ATP9B: variants seen among roughly 807,000 people sequenced by gnomAD.
ATP9B encodes the protein probable phospholipid-transporting ATPase IIB.
In ATP9B, 110 loss-of-function variants were observed where a neutral mutation model predicts 146.1. The observed-to-expected ratio is 0.75, with a 90% CI of 0.65 to 0.88. The LOEUF is 0.88. Ranked by LOEUF, ATP9B falls within the 40% of genes least tolerant of loss-of-function variation. The pLI, the probability that ATP9B is intolerant of heterozygous loss-of-function variation, is 0.00. For missense variants in ATP9B, 1,499 were observed against 1,496.4 expected (o/e 1.00, Z -0.03); for synonymous variants, 604 against 569.7 (o/e 1.06, Z -0.86).
intron 11 of ATP9B, among the ~76,000 whole-genome samples, chr18:79,216,226 A>G (rs1376093687): frequency 1.3e-5 from 2 of 151,704 alleles, no homozygotes; most frequent in African/African-American, 4.9e-5. Flanking sequence ...CCATCTATAC[A>G]CCTGTTACTT....
intron 9 of ATP9B, among the ~76,000 whole-genome samples, chr18:79,196,891 A>G (rs566418889): frequency 2.3e-4 from 35 of 152,342 alleles, no homozygotes; most frequent in African/African-American, 8.2e-4. Flanking sequence ...AGTCCGTCAT[A>G]GGAAACTTTA....
At chr18:79,212,021 C>T (rs745557886) in intron 10 of ATP9B, among the ~76,000 whole-genome samples, 9 of 152,198 alleles carry the variant, frequency 5.9e-5, no homozygotes, top group Non-Finnish European at 8.8e-5. Flanking sequence ...TTGTTGCCCT[C>T]TCATGTCTCA....
intron 11 of ATP9B, among the ~76,000 whole-genome samples, chr18:79,241,045 C>T (rs1180222815): frequency 3.3e-5 from 5 of 152,052 alleles, no homozygotes; most frequent in African/African-American, 7.2e-5. Flanking sequence ...TTGTAAAGGG[C>T]TATTGGGTTG....
At chr18:79,360,359 G>T (rs1243483471) in intron 26 of ATP9B, 2 of 151,998 alleles carry the variant, frequency 1.3e-5, no homozygotes, top group Non-Finnish European at 2.9e-5. Flanking sequence ...GGTAAAGAAA[G>T]AATTAGATTA....
intron 9 of ATP9B, among the ~76,000 whole-genome samples, chr18:79,199,172 C>T (rs183520423): frequency 2.6e-5 from 4 of 151,948 alleles, no homozygotes; most frequent in African/African-American, 4.8e-5. Context: ...AGGCTGGTCT[C>T]GAACTCCTGA....
chr18:79,269,938 A>G (rs1599442223), intron 12 of ATP9B, among the ~76,000 whole-genome samples: 1 of 152,200 alleles, frequency 6.6e-6, no homozygotes, highest in Non-Finnish European at 1.5e-5. Flanking sequence ...TGGATAGAAA[A>G]CTAAGCTTTT....
At position 79,253,011 on chromosome 18, in the gene ATP9B, C is replaced by T. The variant is rs570870158; in HGVS notation, c.1108-370C>T. Among the ~76,000 whole-genome samples, 30 of 152,300 alleles carry T rather than the reference C, an allele frequency of 2.0e-4. No homozygotes were observed. In the South Asian group the frequency reaches 2.9e-3, roughly 15 times the overall value. ...CTGCGCCCTCAGAAGTCTCTGTTCC[C>T]GGGCTGGGCCCTCAGAACTCTGTGT... On this transcript the variant is annotated intron_variant, in intron 11 of 29. Coordinates refer to ENST00000426216, the MANE Select transcript of ATP9B (RefSeq NM_198531.5).
intron 7 of ATP9B, among the ~76,000 whole-genome samples, chr18:79,170,065 A>T (rs2095046023): frequency 6.6e-6 from 1 of 152,164 alleles, no homozygotes. Context: ...TTGCAAGCTG[A>T]CTGAGCTCAG....
intron 15 of ATP9B, among the ~76,000 whole-genome samples, chr18:79,326,088 C>A (rs544891285): frequency 5.4e-5 from 3 of 55,448 alleles, no homozygotes; most frequent in African/African-American, 9.2e-5. Flanking sequence ...ACCTCTGTAC[C>A]CTCCCTCCCC....
intron 7 of ATP9B, among the ~76,000 whole-genome samples, chr18:79,159,708 C>T (rs1165198990): frequency 6.6e-6 from 1 of 152,198 alleles, no homozygotes; most frequent in Non-Finnish European, 1.5e-5. Flanking sequence ...ACCCAGCACA[C>T]CTATCTAGCT....
chr18:79,072,894 A>G (rs1054272219), intron 1 of ATP9B, among the ~76,000 whole-genome samples: 11 of 143,552 alleles, frequency 7.7e-5, no homozygotes, highest in Non-Finnish European at 1.4e-4. Context: ...CTGGGTAGAG[A>G]TGCTCCTCAC....
chr18:79,306,030 A>C (rs1383707330), intron 14 of ATP9B, among the ~76,000 whole-genome samples: 1 of 152,248 alleles, frequency 6.6e-6, no homozygotes, highest in Non-Finnish European at 1.5e-5. Context: ...GTCTCGCAGC[A>C]GCGTGAGCAG....
intron 8 of ATP9B, among the ~76,000 whole-genome samples, chr18:79,192,384 TAGG>T (rs2095375277): frequency 6.6e-6 from 1 of 152,118 alleles, no homozygotes; most frequent in Admixed American, 6.5e-5. Flanking sequence ...GATGGTTTAT[TAGG>T]AGGACTCCCA....
At chr18:79,200,074 T>C (rs1431156080) in intron 9 of ATP9B, among the ~76,000 whole-genome samples, 1 of 152,238 alleles carries the variant, frequency 6.6e-6, no homozygotes, top group Non-Finnish European at 1.5e-5. Context: ...TAATATTATG[T>C]ACTGTACATA....
rs1030178703 is a variant in ATP9B at position 79,212,446 on chromosome 18, C to T, written c.1031-1516C>T. 5.9e-5 allele frequency among the ~76,000 whole-genome samples: 9 copies of T among 152,182 alleles called. No homozygotes were observed. The South Asian group carries it at 6.2e-4, about 10-fold the overall frequency. ...ATCAGTCAACCTGCTTTCAGCTCAA[C>T]GGTTTCTAGCTTGATTAATTCTTGC... On this transcript the variant is annotated intron_variant, in intron 10 of 29. Transcript: ENST00000426216.
At chr18:79,161,827 C>T (rs944392961) in intron 7 of ATP9B, among the ~76,000 whole-genome samples, 6 of 152,114 alleles carry the variant, frequency 3.9e-5, no homozygotes, top group Admixed American at 2.0e-4. Context: ...GCCTGGGTGA[C>T]AGAGCGAGAC....
At chr18:79,269,865 T>G (rs1294656603) in intron 12 of ATP9B, among the ~76,000 whole-genome samples, 2 of 152,266 alleles carry the variant, frequency 1.3e-5, no homozygotes, top group African/African-American at 4.8e-5. Flanking sequence ...CTGCGCCTGC[T>G]GGCCCTGCCT....
rs184430329 is a variant in ATP9B, at chr18:79,225,515, C to T, written c.1107+11477C>T. ...CTCTACCATGTCTTCATCATGGGGA[C>T]GTCCTTTCGAAACCATGTTTTGGCC... is the stretch of plus-strand genomic sequence containing the variant. On this transcript the variant is annotated intron_variant, in intron 11 of 29. Coordinates refer to ENST00000426216, the MANE Select transcript of ATP9B (RefSeq NM_198531.5). Among the ~76,000 whole-genome samples, 293 of 152,362 alleles carry T rather than the reference C, an allele frequency of 1.9e-3. 1 individual carries two copies. Among genetic ancestry groups the T allele is most frequent in the Middle Eastern group, 3.4e-3 (1 of 294 alleles).
intron 13 of ATP9B, among the ~76,000 whole-genome samples, chr18:79,292,413 A>G (rs1465333041): frequency 6.6e-6 from 1 of 152,232 alleles, no homozygotes; most frequent in African/African-American, 2.4e-5. Context: ...CTAACAACGA[A>G]CCATCCAGAG....
Sources: gnomAD v4.1 joint callset for allele counts (sites outside exome capture counted in the v4.1 genomes callset) on GRCh38, gnomAD v4.1.1 for gene constraint, MANE v1.5 for transcripts, NCBI Gene and HGNC (gene_info 2026-07-23, HGNC 2026-07-21) for gene names.